The following PITPNC1 variants were observed in gnomAD, a reference collection of about 807,000 sequenced individuals.
The protein encoded by PITPNC1 is cytoplasmic phosphatidylinositol transfer protein 1.
A neutral mutation model predicts 44.7 loss-of-function variants in PITPNC1; 18 were observed. That is an observed-to-expected ratio of 0.40 (90% CI 0.28 to 0.60). The LOEUF (loss-of-function observed/expected upper bound fraction) is 0.60, where lower values mean the gene tolerates loss of function less well. Among genes scored for constraint, PITPNC1 ranks in the 20% least tolerant of loss-of-function variants. PITPNC1 has a pLI of 0.39. For synonymous variants in PITPNC1, 141 were observed against 149.6 expected (o/e 0.94, Z 0.42); for missense variants, 290 against 418.4 (o/e 0.69, Z 2.68).
chr17:67,522,659 C>CTTTTTTTTTTTTTTTTTTTTTT lies in PITPNC1; in HGVS notation c.49-10129_49-10128insTTTTTTTTTTTTTTTTTTTTTT, dbSNP rs773797594. On this transcript the variant is annotated intron_variant, in intron 1 of 8. Transcript: ENST00000581322. ...ATATCATAAAATTTACCATTTTAAT[C>CTTTTTTTTTTTTTTTTTTTTTT]TTTTTTTTTTTTTTGGAAAATGAGG... Among the ~76,000 whole-genome samples the CTTTTTTTTTTTTTTTTTTTTTT allele has an allele frequency of 2.0e-3, 238 of 117,186 alleles. 41 individuals are homozygous for CTTTTTTTTTTTTTTTTTTTTTT. The highest frequency in any genetic ancestry group is 8.8e-3 in the African/African-American group (200 of 22,796). 76.9% of individuals were successfully genotyped at this position (117,186 alleles called of 152,430 possible).
chr17:67,516,106 C>T lies in PITPNC1; in HGVS notation c.49-16696C>T, dbSNP rs544178847. Among the ~76,000 whole-genome samples, 4 of 152,282 alleles carry T rather than the reference C, an allele frequency of 2.6e-5. No homozygotes were observed. In the East Asian group the frequency reaches 7.7e-4, roughly 29 times the overall value. ...TTACTTCCCCTGTGACCTCTCCTCTCTTTGCTCTCCTTGGCTCTGCTCTCT... is the reference window on the plus strand; with the variant it reads ...TTACTTCCCCTGTGACCTCTCCTCTTTTTGCTCTCCTTGGCTCTGCTCTCT... On this transcript the variant is annotated intron_variant, in intron 1 of 8. Coordinates refer to ENST00000581322, the MANE Select transcript of PITPNC1 (RefSeq NM_012417.4).
chr17:67,672,553 C>T (rs2453149), intron 7 of PITPNC1, among the ~76,000 whole-genome samples: 5,191 of 151,632 alleles, frequency 0.034, 303 homozygotes, highest in African/African-American at 0.12. Context: ...GAGCCTAGGT[C>T]GCGCCACTGC....
Position 67,442,543 on chromosome 17 carries a change from TA to T in PITPNC1, c.48+64350del, listed in dbSNP as rs939901754. ...GAATTTCCTTTGCATTCATTTTGAT[TA>T]AAAAAAAATGCATTATGGCTGGGCG... On this transcript the variant is annotated intron_variant, in intron 1 of 8. Transcript: ENST00000581322. Among the ~76,000 whole-genome samples, 20 of 150,178 alleles carry T rather than the reference TA, an allele frequency of 1.3e-4. 1 individual carries two copies. In the South Asian group the frequency reaches 3.4e-3, roughly 25 times the overall value.
intron 1 of PITPNC1, among the ~76,000 whole-genome samples, chr17:67,416,320 G>A (rs1453047201): frequency 2.8e-5 from 4 of 142,694 alleles, no homozygotes; most frequent in African/African-American, 1.0e-4. Flanking sequence ...GGTTCAAGCC[G>A]TTCTCCTGCT....
chr17:67,541,050 G>A (rs894903480), intron 2 of PITPNC1, among the ~76,000 whole-genome samples: 1 of 151,900 alleles, frequency 6.6e-6, no homozygotes, highest in Non-Finnish European at 1.5e-5. Context: ...AACCCTGCCT[G>A]CTAAAAATGC....
At chr17:67,533,364 T>C (rs1328024110) in intron 2 of PITPNC1, among the ~76,000 whole-genome samples, 1 of 152,238 alleles carries the variant, frequency 6.6e-6, no homozygotes, top group Non-Finnish European at 1.5e-5. Context: ...TAAGAGGAGC[T>C]TTCGGCTCAT....
chr17:67,460,548 C>T (rs1206550621), intron 1 of PITPNC1, among the ~76,000 whole-genome samples: 3 of 150,860 alleles, frequency 2.0e-5, no homozygotes, highest in African/African-American at 7.3e-5. Context: ...CTCAGCCTCC[C>T]GAGTAGCTGG....
chr17:67,654,199 G>A (rs1202432164), intron 6 of PITPNC1, among the ~76,000 whole-genome samples: 5 of 152,150 alleles, frequency 3.3e-5, no homozygotes, highest in African/African-American at 1.2e-4. Flanking sequence ...CCAGAACCCA[G>A]TCATAACATC....
chr17:67,563,609 T>C (rs1360361765), intron 4 of PITPNC1, among the ~76,000 whole-genome samples: 1 of 152,226 alleles, frequency 6.6e-6, no homozygotes, highest in Non-Finnish European at 1.5e-5. Context: ...TGGACAGGTC[T>C]CAGTGGCCAT....
At chr17:67,561,972 A>G (rs534927455) in intron 4 of PITPNC1, among the ~76,000 whole-genome samples, 154 of 152,206 alleles carry the variant, frequency 1.0e-3, no homozygotes, top group African/African-American at 3.6e-3. Flanking sequence ...TCTTGCCATT[A>G]TAGTATGTAG....
intron 5 of PITPNC1, among the ~76,000 whole-genome samples, chr17:67,629,238 C>CTGTGTGGTGTGTGTGTG (rs2041934192): frequency 7.6e-6 from 1 of 131,230 alleles, no homozygotes; most frequent in Non-Finnish European, 1.6e-5. Context: ...CTGGGGTATT[C>CTGTGTGGTGTGTGTGTG]TGTGTGTGTG....
intron 1 of PITPNC1, among the ~76,000 whole-genome samples, chr17:67,387,386 C>T (rs1027023551): frequency 6.6e-6 from 1 of 152,248 alleles, no homozygotes; most frequent in Non-Finnish European, 1.5e-5. Flanking sequence ...AAATCTCTGG[C>T]CAGGCACAGC....
At chr17:67,519,148 A>G (rs2040293849) in intron 1 of PITPNC1, among the ~76,000 whole-genome samples, 1 of 147,588 alleles carries the variant, frequency 6.8e-6, no homozygotes, top group Admixed American at 6.8e-5. Context: ...ATTCTTGTAT[A>G]CTCATGTTCA....
intron 1 of PITPNC1, among the ~76,000 whole-genome samples, chr17:67,398,861 G>C (rs7224018): frequency 6.6e-6 from 1 of 151,982 alleles, no homozygotes; most frequent in Non-Finnish European, 1.5e-5. Flanking sequence ...ACTTCAAAAC[G>C]ACAATGTTTT....
At chr17:67,687,028 C>T (rs1451920893) in intron 8 of PITPNC1, 1 of 1,167,008 alleles carries the variant, frequency 8.6e-7, no homozygotes, top group Non-Finnish European at 1.3e-6. Context: ...AAGTTTGCAT[C>T]TAATAACGGA....
At chr17:67,607,471 C>T (rs1007660878) in intron 5 of PITPNC1, among the ~76,000 whole-genome samples, 2 of 152,216 alleles carry the variant, frequency 1.3e-5, no homozygotes, top group Non-Finnish European at 2.9e-5. Flanking sequence ...GGCTAAGTGA[C>T]GTGCTCAATC....
rs182742686 is a variant in PITPNC1 at position 67,593,962 on chromosome 17, G to A, written c.366+15705G>A. On this transcript the variant is annotated intron_variant, in intron 5 of 8. Transcript: ENST00000581322. Reference sequence around the variant, plus strand: ...AGAGCTTTGTGTTTATGTTTGTTGAGTCCAGTGGATGGTGCCTTGGTGGGT... The same window carrying A: ...AGAGCTTTGTGTTTATGTTTGTTGAATCCAGTGGATGGTGCCTTGGTGGGT... 4.1e-3 allele frequency among the ~76,000 whole-genome samples: 619 copies of A among 152,332 alleles called. 21 individuals carry two copies. Among genetic ancestry groups the A allele is most frequent in the Admixed American group, 0.038 (579 of 15,304 alleles).
At chr17:67,516,822 G>A (rs994899756) in intron 1 of PITPNC1, among the ~76,000 whole-genome samples, 1 of 152,084 alleles carries the variant, frequency 6.6e-6, no homozygotes, top group Admixed American at 6.6e-5. Context: ...TTTTTGCCAT[G>A]TTGGCCAGGC....
chr17:67,484,479 C>T (rs1465764702), intron 1 of PITPNC1, among the ~76,000 whole-genome samples: 1 of 152,194 alleles, frequency 6.6e-6, no homozygotes, highest in African/African-American at 2.4e-5. Flanking sequence ...TTGTATAATT[C>T]TCTCAGGGCT....
Sources: allele counts gnomAD v4.1 joint callset (sites outside exome capture counted in the v4.1 genomes callset), GRCh38; gene constraint gnomAD v4.1.1; transcripts MANE v1.5; gene names NCBI Gene and HGNC (gene_info 2026-07-23, HGNC 2026-07-21).